The following SLC20A2 variants were observed in gnomAD, a reference collection of about 807,000 sequenced individuals.
SLC20A2 encodes solute carrier family 20 member 2.
A neutral mutation model predicts 61.0 loss-of-function variants in SLC20A2; 30 were observed. That is an observed-to-expected ratio of 0.49 (90% CI 0.37 to 0.67). The LOEUF is 0.67. Among genes scored for constraint, SLC20A2 ranks in the 30% least tolerant of loss-of-function variants. The pLI is 0.00. For missense variants in SLC20A2, 626 were observed against 866.4 expected (o/e 0.72, Z 3.48); for synonymous variants, 351 against 353.3 (o/e 0.99, Z 0.07).
intron 10 of SLC20A2, among the ~76,000 whole-genome samples, chr8:42,427,197 C>G (rs577076288): frequency 7.4e-4 from 112 of 152,184 alleles, no homozygotes; most frequent in Non-Finnish European, 1.4e-3. Context: ...TGTGTAATCT[C>G]GGGCACGTTA....
intron 1 of SLC20A2, among the ~76,000 whole-genome samples, chr8:42,494,317 C>T (rs1300724126): frequency 6.6e-6 from 1 of 151,652 alleles, no homozygotes; most frequent in Non-Finnish European, 1.5e-5. Flanking sequence ...GAGGCCACTG[C>T]CAAATTAAAT....
In SLC20A2 at chr8:42,487,101, G is replaced by A. The variant is rs535531275; in HGVS notation, c.-265+13930C>T. Among the ~76,000 whole-genome samples the A allele has an allele frequency of 2.0e-5, 3 of 150,894 alleles. No individual in the cohort carries two copies. In the East Asian group the frequency reaches 5.9e-4, roughly 30 times the overall value. ...GCTGGTCTGGAACTCCTGACCTCAA[G>A]TGATCCACCCACCTTGGCCTCCCAA... On this transcript the variant is annotated intron_variant, in intron 1 of 10. Coordinates refer to ENST00000520262, the MANE Select transcript of SLC20A2 (RefSeq NM_001257180.2).
upstream of SLC20A2, among the ~76,000 whole-genome samples, chr8:42,505,986 GTC>G (rs949227374): frequency 3.1e-4 from 47 of 152,012 alleles, no homozygotes; most frequent in African/African-American, 1.1e-3. Context: ...TTGAGACAAA[GTC>G]TCTGTCACAG....
At chr8:42,489,530 A>T (rs575754692) in intron 1 of SLC20A2, among the ~76,000 whole-genome samples, 1 of 147,228 alleles carries the variant, frequency 6.8e-6, no homozygotes, top group East Asian at 2.0e-4. Flanking sequence ...AATAAACTGT[A>T]ACAATTCTGC....
intron 2 of SLC20A2, among the ~76,000 whole-genome samples, chr8:42,468,827 C>A (rs893938212): frequency 2.0e-5 from 3 of 151,974 alleles, no homozygotes; most frequent in Admixed American, 2.0e-4. Context: ...GGAGCTGGCT[C>A]GTTTGTGCTA....
chr8:42,418,057 C>G, intron 10 of SLC20A2, 90 bp from the exon 11 acceptor site: 2 of 1,043,568 alleles, frequency 1.9e-6, no homozygotes, highest in Non-Finnish European at 2.8e-6. Context: ...GAAACAAGCT[C>G]TAGTACAACA....
At chr8:42,455,257 T>TATATATAG (rs1357416749) in intron 5 of SLC20A2, among the ~76,000 whole-genome samples, 25 of 81,622 alleles carry the variant, frequency 3.1e-4, no homozygotes, top group Middle Eastern at 9.3e-3. Context: ...TATATATATA[T>TATATATAG]AGAGAGAGAG....
intron 1 of SLC20A2, among the ~76,000 whole-genome samples, chr8:42,519,039 T>C (rs1327547550): frequency 5.3e-5 from 8 of 152,226 alleles, no homozygotes; most frequent in Non-Finnish European, 2.9e-5. Flanking sequence ...AGAGGACAGA[T>C]GCAGGCACTG....
intron 5 of SLC20A2, among the ~76,000 whole-genome samples, chr8:42,457,525 G>A (rs927792603): frequency 1.7e-4 from 25 of 151,258 alleles, no homozygotes; most frequent in Non-Finnish European, 2.7e-4. Context: ...GTGTCACCCA[G>A]GCTGGAGGGC....
intron 1 of SLC20A2, among the ~76,000 whole-genome samples, chr8:42,477,720 C>T (rs1808235339): frequency 6.6e-6 from 1 of 151,886 alleles, no homozygotes; most frequent in Non-Finnish European, 1.5e-5. Context: ...AACTGCCCGC[C>T]TTGGCCTCCC....
chr8:42,460,955 G>A (rs1806646435), intron 4 of SLC20A2, among the ~76,000 whole-genome samples: 1 of 152,202 alleles, frequency 6.6e-6, no homozygotes, highest in Non-Finnish European at 1.5e-5. Flanking sequence ...AGCAGCAGAA[G>A]TATGGATAAG....
At chr8:42,425,835 G>A (rs1278882306) in intron 10 of SLC20A2, among the ~76,000 whole-genome samples, 1 of 152,116 alleles carries the variant, frequency 6.6e-6, no homozygotes, top group African/African-American at 2.4e-5. Flanking sequence ...GAGGTCAGGA[G>A]ATCGAGACCA....
chr8:42,418,897 C>T (rs1180763479), intron 10 of SLC20A2, among the ~76,000 whole-genome samples: 1 of 149,910 alleles, frequency 6.7e-6, no homozygotes, highest in East Asian at 2.0e-4. Flanking sequence ...ACTTGGGAGG[C>T]TGAGGCGGGA....
intron 5 of SLC20A2, among the ~76,000 whole-genome samples, chr8:42,456,101 A>G (rs1015553184): frequency 6.6e-6 from 1 of 152,142 alleles, no homozygotes; most frequent in African/African-American, 2.4e-5. Context: ...ATTTTTAGCG[A>G]ATGTGCCAAC....
intron 2 of SLC20A2, among the ~76,000 whole-genome samples, chr8:42,470,247 T>C (rs1311054622): frequency 6.6e-6 from 1 of 150,628 alleles, no homozygotes; most frequent in Non-Finnish European, 1.5e-5. Context: ...AGACAGGGTC[T>C]GGCTATGTCG....
upstream of SLC20A2, among the ~76,000 whole-genome samples, chr8:42,504,905 T>C (rs75945411): frequency 0.029 from 3,778 of 131,278 alleles, 186 homozygotes; most frequent in African/African-American, 0.11. Context: ...CCAGTTACTA[T>C]GCCAGGTACT....
intron 1 of SLC20A2, among the ~76,000 whole-genome samples, chr8:42,476,288 A>G (rs548688707): frequency 5.3e-5 from 8 of 151,672 alleles, no homozygotes; most frequent in African/African-American, 1.9e-4. Context: ...TATTTTTAGT[A>G]GAGACGGGGT....
chr8:42,470,202 T>C (rs1332777967), intron 2 of SLC20A2, among the ~76,000 whole-genome samples: 2 of 150,912 alleles, frequency 1.3e-5, no homozygotes, highest in Admixed American at 6.6e-5. Context: ...GGAATGAAAG[T>C]GATCTTGAAC....
chr8:42,513,712 G>T (rs1208377881), intron 1 of SLC20A2, among the ~76,000 whole-genome samples: 1 of 152,042 alleles, frequency 6.6e-6, no homozygotes, highest in Non-Finnish European at 1.5e-5. Context: ...AAATGAATAG[G>T]ATCTTATCTT....
Sources: allele counts gnomAD v4.1 joint callset (sites outside exome capture counted in the v4.1 genomes callset), GRCh38; gene constraint gnomAD v4.1.1; transcripts MANE v1.5; gene names NCBI Gene and HGNC (gene_info 2026-07-23, HGNC 2026-07-21).